Variants in SEL1L3 observed in about 807,000 individuals in gnomAD.
SEL1L3 encodes the protein SEL1L family member 3.
Under a neutral mutation model 142.8 loss-of-function variants are expected in SEL1L3, and 76 were observed. The ratio of observed to expected loss-of-function variants is 0.53; its 90% CI spans 0.44 to 0.64. The LOEUF is 0.64. SEL1L3 is among the 30% of genes least tolerant of loss of function. SEL1L3 has a pLI of 0.00. For synonymous variants in SEL1L3, 504 were observed against 519.6 expected (o/e 0.97, Z 0.41); for missense variants, 1,262 against 1,381.7 (o/e 0.91, Z 1.37).
chr4:25,810,071 T>C (rs922657939), intron 9 of SEL1L3, among the ~76,000 whole-genome samples: 1 of 152,206 alleles, frequency 6.6e-6, no homozygotes, highest in African/African-American at 2.4e-5. Flanking sequence ...GGGGCGCAGA[T>C]GGTGTCAGCC....
At chr4:25,721,095 C>G in the SEL1L3 span, 1 of 152,072 alleles carries the variant, frequency 6.6e-6, no homozygotes, top group African/African-American at 2.4e-5. Flanking sequence ...CTTCATCTGA[C>G]CAGGAAAAGG....
intron 1 of SEL1L3, 93 bp downstream of exon 1, chr4:25,862,582 C>G (rs1472887389): frequency 6.6e-6 from 4 of 609,338 alleles, no homozygotes; most frequent in Non-Finnish European, 9.2e-6. Flanking sequence ...CAGCGGCGTC[C>G]CCGCCCCGCG....
At chr4:25,841,302 G>A (rs1361453351) in intron 2 of SEL1L3, among the ~76,000 whole-genome samples, 1 of 152,164 alleles carries the variant, frequency 6.6e-6, no homozygotes, top group African/African-American at 2.4e-5. Context: ...CCAAAGTGCT[G>A]GGATCACAGG....
chr4:25,777,507 T>G (rs951170493), intron 16 of SEL1L3: 1 of 231,256 alleles, frequency 4.3e-6, no homozygotes, highest in Non-Finnish European at 8.7e-6. Context: ...CTGATATATA[T>G]GTAGATGTTG....
At chr4:25,832,616 T>TA in intron 5 of SEL1L3, among the ~76,000 whole-genome samples, 1 of 151,692 alleles carries the variant, frequency 6.6e-6, no homozygotes, top group South Asian at 2.1e-4. Flanking sequence ...TCCATTTCCT[T>TA]AAAAAAAAAG....
intron 15 of SEL1L3, among the ~76,000 whole-genome samples, chr4:25,781,333 T>A (rs922989004): frequency 9.9e-5 from 15 of 152,116 alleles, no homozygotes; most frequent in African/African-American, 3.6e-4. Context: ...TCACCACATT[T>A]TGTTAAATGT....
At chr4:25,739,737 T>C in the SEL1L3 span, among the ~76,000 whole-genome samples, 1 of 149,710 alleles carries the variant, frequency 6.7e-6, no homozygotes, top group African/African-American at 2.5e-5. Flanking sequence ...AAAACCCATG[T>C]GTGTATTCTG....
At chr4:25,715,890 G>A in the SEL1L3 span, among the ~76,000 whole-genome samples, 21 of 152,188 alleles carry the variant, frequency 1.4e-4, no homozygotes, top group Middle Eastern at 3.4e-3. Context: ...GCTTTTATGT[G>A]CATAATTCTG....
At chr4:25,825,743 C>G (rs1715054998) in intron 6 of SEL1L3, among the ~76,000 whole-genome samples, 1 of 134,078 alleles carries the variant, frequency 7.5e-6, no homozygotes, top group African/African-American at 2.8e-5. Flanking sequence ...GGCGCAATCT[C>G]AGCTCACTGC....
intron 1 of SEL1L3, among the ~76,000 whole-genome samples, chr4:25,850,668 T>C (rs1372653460): frequency 6.6e-6 from 1 of 152,196 alleles, no homozygotes; most frequent in African/African-American, 2.4e-5. Flanking sequence ...TTGCAGGAGA[T>C]AGGGAAGCCT....
In SEL1L3 at chr4:25,833,046, G is replaced by A; in HGVS notation, c.1047C>T (p.Ile349=). 6.2e-7 allele frequency: 1 copy of A among 1,612,834 alleles called. No individual in the cohort carries two copies. The highest frequency in any genetic ancestry group is 2.2e-5 in the East Asian group (1 of 44,884). The part of the protein sequence containing the change: ...GEDLAVKTKF[I]IPLKEWFRLD... ...GTCGAAACCACTCCTTCAAAGGTAT[G>A]ATGAATTTAGTTTTTACAGCAAGGT... is the stretch of plus-strand genomic sequence containing the variant. Residue 349 remains isoleucine, a synonymous_variant, in exon 5 of 24, where the codon ATC becomes ATT. Transcript: ENST00000399878.
At chr4:25,827,530 C>G (rs996052000) in intron 6 of SEL1L3, among the ~76,000 whole-genome samples, 1 of 152,122 alleles carries the variant, frequency 6.6e-6, no homozygotes, top group African/African-American at 2.4e-5. Flanking sequence ...GGACCTCTGC[C>G]CTCTAAAACT....
chr4:25,781,298 A>G (rs1174386254), intron 15 of SEL1L3, among the ~76,000 whole-genome samples: 1 of 152,162 alleles, frequency 6.6e-6, no homozygotes, highest in Non-Finnish European at 1.5e-5. Context: ...AGTGTTCAGA[A>G]GGGTGCCTGG....
intron 20 of SEL1L3, among the ~76,000 whole-genome samples, chr4:25,764,021 C>A (rs6815792): frequency 0.015 from 2,315 of 152,258 alleles, 67 homozygotes; most frequent in African/African-American, 0.052. Context: ...AAAGAGGATT[C>A]CAAGTAGCAA....
intron 17 of SEL1L3, among the ~76,000 whole-genome samples, chr4:25,773,153 T>C (rs1235163698): frequency 6.6e-6 from 1 of 152,194 alleles, no homozygotes; most frequent in African/African-American, 2.4e-5. Context: ...TGAAGAATTA[T>C]ATGTTATATA....
At chr4:25,750,234 CAAAAAAA>C (rs10718046) in intron 23 of SEL1L3, among the ~76,000 whole-genome samples, 12 of 105,090 alleles carry the variant, frequency 1.1e-4, no homozygotes, top group Admixed American at 8.4e-4. Flanking sequence ...GACTCCATCT[CAAAAAAA>C]AAAAAAAAAA....
chr4:25,817,374 CA>C (rs752915317), intron 9 of SEL1L3, among the ~76,000 whole-genome samples: 15 of 152,224 alleles, frequency 9.9e-5, no homozygotes, highest in Non-Finnish European at 2.1e-4. Context: ...GGATCCTCTT[CA>C]CCAGACCGAA....
chr4:25,745,600 G>A (rs1042942660), downstream of SEL1L3, among the ~76,000 whole-genome samples: 2 of 152,194 alleles, frequency 1.3e-5, no homozygotes, highest in African/African-American at 4.8e-5. Flanking sequence ...GAGGTGTTTG[G>A]CTGTCACACT....
the SEL1L3 span, among the ~76,000 whole-genome samples, chr4:25,716,332 GA>G: frequency 6.6e-6 from 1 of 152,086 alleles, no homozygotes; most frequent in East Asian, 1.9e-4. Context: ...AGTTGATTGG[GA>G]AACGTTTTAA....
Sources: allele counts gnomAD v4.1 joint callset (sites outside exome capture counted in the v4.1 genomes callset), GRCh38; gene constraint gnomAD v4.1.1; transcripts MANE v1.5; gene names NCBI Gene and HGNC (gene_info 2026-07-23, HGNC 2026-07-21).